The following ADGRL2 variants were observed in gnomAD, a reference collection of about 807,000 sequenced individuals.
ADGRL2 encodes the protein calcium-independent alpha-latrotoxin receptor 2.
ADGRL2 carries 44 observed loss-of-function variants against 157.4 expected under a neutral mutation model. The observed-to-expected ratio is 0.28, with a 90% confidence interval of 0.22 to 0.36. ADGRL2 has a LOEUF of 0.36. Ranked by LOEUF, ADGRL2 falls within the 10% of genes least tolerant of loss-of-function variation. The probability of loss-of-function intolerance (pLI) is 1.00; values close to 1 mark genes in which losing one functional copy is unlikely to be tolerated. For synonymous variants in ADGRL2, 585 were observed against 624.7 expected, an observed-to-expected ratio of 0.94 and a Z score of 0.95; for missense variants, 1,510 against 1,768.9, an observed-to-expected ratio of 0.85 and a Z score of 2.63.
chr1:81,738,989 T>C (rs2084988230), intron 1 of ADGRL2, among the ~76,000 whole-genome samples: 1 of 152,214 alleles, frequency 6.6e-6, no homozygotes. Context: ...ACCAGTGGCC[T>C]AGTGCCCTCC....
intron 2 of ADGRL2, among the ~76,000 whole-genome samples, chr1:81,762,953 G>A (rs928690112): frequency 4.6e-5 from 7 of 150,648 alleles, no homozygotes; most frequent in African/African-American, 1.7e-4. Flanking sequence ...TCAGGAGGCT[G>A]AGGCAGGAGA....
At chr1:81,441,240 ACT>A (rs2077502307) in intron 1 of ADGRL2, among the ~76,000 whole-genome samples, 2 of 152,190 alleles carry the variant, frequency 1.3e-5, no homozygotes, top group African/African-American at 4.8e-5. Flanking sequence ...TGAAAATAGT[ACT>A]GTTAAATTTT....
chr1:81,374,249 G>A (rs116446256), intron 1 of ADGRL2, among the ~76,000 whole-genome samples: 1 of 152,104 alleles, frequency 6.6e-6, no homozygotes, highest in African/African-American at 2.4e-5. Flanking sequence ...GACACAATAA[G>A]TGGAGTAAAA....
At chr1:81,746,039 CAT>C (rs1491329002) in intron 1 of ADGRL2, among the ~76,000 whole-genome samples, 12 of 151,912 alleles carry the variant, frequency 7.9e-5, no homozygotes, top group Non-Finnish European at 1.6e-4. Flanking sequence ...TAAAATATAA[CAT>C]AATGCATGGA....
chr1:81,482,381 GTTTAT>G (rs1416979153), intron 2 of ADGRL2, among the ~76,000 whole-genome samples: 7 of 151,598 alleles, frequency 4.6e-5, no homozygotes, highest in Non-Finnish European at 1.0e-4. Flanking sequence ...AGTAATACGT[GTTTAT>G]TATAGAACAA....
intron 1 of ADGRL2, among the ~76,000 whole-genome samples, chr1:81,388,062 G>A (rs182554528): frequency 1.2e-3 from 176 of 152,172 alleles, no homozygotes; most frequent in African/African-American, 4.1e-3. Flanking sequence ...TTTTTCAAAT[G>A]TTCTGTCACT....
At chr1:81,604,220 C>T (rs1397173403) in intron 3 of ADGRL2, among the ~76,000 whole-genome samples, 1 of 152,134 alleles carries the variant, frequency 6.6e-6, no homozygotes, top group African/African-American at 2.4e-5. Flanking sequence ...CCACTTTGGC[C>T]TCCCAAAGTG....
intron 2 of ADGRL2, among the ~76,000 whole-genome samples, chr1:81,772,656 G>T (rs1274666674): frequency 1.3e-5 from 2 of 152,080 alleles, no homozygotes; most frequent in Non-Finnish European, 2.9e-5. Flanking sequence ...TTGAACCCGG[G>T]AGGCAGAGGT....
At chr1:81,664,583 G>T (rs1028955666) in intron 3 of ADGRL2, among the ~76,000 whole-genome samples, 1 of 152,154 alleles carries the variant, frequency 6.6e-6, no homozygotes, top group Non-Finnish European at 1.5e-5. Context: ...CCCAGGCACA[G>T]ATTCAAGAAA....
At chr1:81,330,220 T>A (rs1423123517) in intron 1 of ADGRL2, among the ~76,000 whole-genome samples, 1 of 152,060 alleles carries the variant, frequency 6.6e-6, no homozygotes, top group Non-Finnish European at 1.5e-5. Flanking sequence ...TGTTGATGTT[T>A]TATAGAAAAA....
intron 3 of ADGRL2, among the ~76,000 whole-genome samples, chr1:81,646,798 A>T (rs142513459): frequency 1.6e-4 from 25 of 152,334 alleles, no homozygotes; most frequent in African/African-American, 5.8e-4. Context: ...AATGTCTGAC[A>T]TAGGCCCTGC....
intron 1 of ADGRL2, among the ~76,000 whole-genome samples, chr1:81,417,678 C>T (rs1430103814): frequency 6.6e-6 from 1 of 152,146 alleles, no homozygotes; most frequent in African/African-American, 2.4e-5. Flanking sequence ...TTCACAGAAA[C>T]ATTGGCTTGT....
intron 3 of ADGRL2, among the ~76,000 whole-genome samples, chr1:81,586,529 A>G (rs1401886671): frequency 2.0e-5 from 3 of 152,138 alleles, no homozygotes; most frequent in Non-Finnish European, 4.4e-5. Flanking sequence ...AACTTTTAAT[A>G]ATATACTGGG....
rs72939074 is a variant in ADGRL2 at position 81,413,950 on chromosome 1, T to C, written c.-301-31086T>C. 1.9e-3 allele frequency among the ~76,000 whole-genome samples: 288 copies of C among 152,314 alleles called. 1 individual carries two copies. Among genetic ancestry groups the C allele is most frequent in the African/African-American group, 6.5e-3 (269 of 41,578 alleles). ...GAGTCCTATTGCCACTCTGTGTAGA[T>C]ATCTGTGAAAGTCGCCTAAAGACCA... On this transcript the variant is annotated intron_variant, in intron 1 of 24. Transcript: ENST00000370721.
At chr1:81,911,285 T>A (rs1472822537) in intron 3 of ADGRL2, among the ~76,000 whole-genome samples, 1 of 152,116 alleles carries the variant, frequency 6.6e-6, no homozygotes, top group Non-Finnish European at 1.5e-5. Flanking sequence ...TATAGAACAG[T>A]CACCATTTAG....
At chr1:81,453,447 C>G (rs1357076465) in intron 2 of ADGRL2, among the ~76,000 whole-genome samples, 1 of 152,054 alleles carries the variant, frequency 6.6e-6, no homozygotes, top group Non-Finnish European at 1.5e-5. Context: ...GATTATGAGC[C>G]TGACCTTCCA....
intron 2 of ADGRL2, among the ~76,000 whole-genome samples, chr1:81,772,158 G>A (rs922574583): frequency 6.6e-6 from 1 of 150,866 alleles, no homozygotes; most frequent in African/African-American, 2.4e-5. Context: ...GCTGAGGCAG[G>A]AGAATCGCTT....
At chr1:81,467,982 G>A (rs1265428678) in intron 2 of ADGRL2, among the ~76,000 whole-genome samples, 4 of 152,024 alleles carry the variant, frequency 2.6e-5, no homozygotes, top group Non-Finnish European at 5.9e-5. Flanking sequence ...ATACTTTGTA[G>A]ACAATGGATA....
chr1:81,552,075 C>A (rs1173208364), intron 2 of ADGRL2, among the ~76,000 whole-genome samples: 2 of 152,068 alleles, frequency 1.3e-5, no homozygotes, highest in Non-Finnish European at 2.9e-5. Context: ...AAAAATTGAA[C>A]CCTCTCTGGC....
Sources: gnomAD v4.1 joint callset for allele counts (sites outside exome capture counted in the v4.1 genomes callset) on GRCh38, gnomAD v4.1.1 for gene constraint, MANE v1.5 for transcripts, NCBI Gene and HGNC (gene_info 2026-07-23, HGNC 2026-07-21) for gene names.